Variants in CSMD1 observed in about 807,000 individuals in gnomAD.
The protein encoded by CSMD1 is CUB and Sushi multiple domains 1.
CSMD1 carries 213 observed loss-of-function variants against 417.5 expected under a neutral mutation model. The observed-to-expected ratio is 0.51, with a 90% CI of 0.46 to 0.57. The LOEUF (loss-of-function observed/expected upper bound fraction) is 0.57. CSMD1 is among the 20% of genes least tolerant of loss of function. CSMD1 has a pLI of 0.00. For synonymous variants in CSMD1, 2,862 were observed against 1,736.8 expected (o/e 1.65, Z -16.11); for missense variants, 6,923 against 4,529.7 (o/e 1.53, Z -15.17).
chr8:4,517,475 G>C lies in CSMD1; in HGVS notation c.303-97410C>G, dbSNP rs1283650036. Among the ~76,000 whole-genome samples the C allele has an allele frequency of 2.6e-5, 4 of 152,240 alleles. No homozygotes were observed. The East Asian group carries it at 7.7e-4, about 29-fold the overall frequency. Reference sequence around the variant, plus strand: ...ATGTGATCATTCAGTTAGACACATAGATAATGTTCCTGGAACAATAACTGT... The same window carrying C: ...ATGTGATCATTCAGTTAGACACATACATAATGTTCCTGGAACAATAACTGT... On this transcript the variant is annotated intron_variant, in intron 2 of 69. Transcript: ENST00000635120.
intron 3 of CSMD1, among the ~76,000 whole-genome samples, chr8:4,118,385 GAACTT>G (rs1330941155): frequency 7.1e-6 from 1 of 141,744 alleles, no homozygotes; most frequent in African/African-American, 2.7e-5. Flanking sequence ...AATCTACAAA[GAACTT>G]AAAGAAATTT....
intron 11 of CSMD1, among the ~76,000 whole-genome samples, chr8:3,474,654 C>T (rs941693000): frequency 6.6e-6 from 1 of 152,018 alleles, no homozygotes; most frequent in African/African-American, 2.4e-5. Context: ...TATCAATTAG[C>T]CTAAGGGGAA....
At chr8:3,429,252 G>T (rs1007801392) in intron 12 of CSMD1, among the ~76,000 whole-genome samples, 1 of 152,138 alleles carries the variant, frequency 6.6e-6, no homozygotes, top group African/African-American at 2.4e-5. Context: ...ACCTTGATTT[G>T]ACCATTTCAC....
intron 5 of CSMD1, among the ~76,000 whole-genome samples, chr8:3,803,846 A>C (rs1800587733): frequency 1.3e-5 from 2 of 152,182 alleles, no homozygotes; most frequent in Non-Finnish European, 1.5e-5. Flanking sequence ...AAACATGGCA[A>C]AGAGGTGTGA....
In CSMD1 at chr8:3,908,171, A is replaced by G. The variant is rs374273570; in HGVS notation, c.818+89732T>C. Among the ~76,000 whole-genome samples the G allele has an allele frequency of 7.4e-4, 113 of 152,320 alleles. 1 individual carries two copies. Among genetic ancestry groups the G allele is most frequent in the African/African-American group, 2.5e-3 (103 of 41,578 alleles). On this transcript the variant is annotated intron_variant, in intron 5 of 69. Transcript: ENST00000635120. ...ACTATAAACCTGCATTTATGCATCA[A>G]TGACCATGGGCCAGGCTAGATACTA...
rs374168115 is a variant in CSMD1, at chr8:3,890,519, G to T, written c.818+107384C>A. Among the ~76,000 whole-genome samples the T allele has an allele frequency of 2.0e-5, 3 of 152,044 alleles. No homozygotes were observed. The South Asian group carries it at 6.3e-4, about 32-fold the overall frequency. On this transcript the variant is annotated intron_variant, in intron 5 of 69. Transcript: ENST00000635120. The stretch of plus-strand genomic sequence containing the variant: ...GCATTGAGGCACACTTGCAGGACTC[G>T]GTGGGGAACAAAATAACTCTATCTC...
chr8:4,890,715 G>C (rs940834529), intron 1 of CSMD1, among the ~76,000 whole-genome samples: 2 of 152,136 alleles, frequency 1.3e-5, no homozygotes, highest in African/African-American at 4.8e-5. Flanking sequence ...ATGTTATTAG[G>C]TCGCTGCAAA....
chr8:3,612,116 A>T (rs551068120), intron 8 of CSMD1, among the ~76,000 whole-genome samples: 6 of 152,146 alleles, frequency 3.9e-5, no homozygotes, highest in Non-Finnish European at 7.4e-5. Context: ...CAATCCATAT[A>T]TTATAGACTA....
chr8:4,218,640 G>A (rs577093342), intron 3 of CSMD1, among the ~76,000 whole-genome samples: 3 of 152,264 alleles, frequency 2.0e-5, no homozygotes, highest in East Asian at 3.9e-4. Flanking sequence ...TACCGACAGT[G>A]ATTTCAGTAT....
chr8:3,258,926 C>T (rs764556785), intron 26 of CSMD1, among the ~76,000 whole-genome samples: 3 of 152,156 alleles, frequency 2.0e-5, no homozygotes, highest in Non-Finnish European at 4.4e-5. Flanking sequence ...GAACAATAGA[C>T]ACTGCGGTCT....
chr8:4,911,740 A>C (rs556621162), intron 1 of CSMD1, among the ~76,000 whole-genome samples: 6 of 152,294 alleles, frequency 3.9e-5, no homozygotes, highest in South Asian at 4.1e-4. Flanking sequence ...GGGACTGGTA[A>C]ATCACGTTGG....
intron 26 of CSMD1, among the ~76,000 whole-genome samples, chr8:3,257,302 C>T (rs73185590): frequency 0.091 from 13,917 of 152,252 alleles, 870 homozygotes; most frequent in Non-Finnish European, 0.13. Context: ...CCAGCCCGCG[C>T]TATAAGAGTG....
intron 3 of CSMD1, among the ~76,000 whole-genome samples, chr8:4,256,845 C>G (rs1323759480): frequency 6.6e-6 from 1 of 152,300 alleles, no homozygotes; most frequent in East Asian, 1.9e-4. Flanking sequence ...GCTATCCCTC[C>G]AAGAGTCACC....
At chr8:4,894,273 T>G (rs1267694961) in intron 1 of CSMD1, among the ~76,000 whole-genome samples, 2 of 152,064 alleles carry the variant, frequency 1.3e-5, no homozygotes, top group Non-Finnish European at 2.9e-5. Flanking sequence ...AAGTCTTTTG[T>G]TTTGCTTTTT....
intron 3 of CSMD1, among the ~76,000 whole-genome samples, chr8:4,187,629 T>C (rs1036819487): frequency 7.8e-6 from 1 of 128,446 alleles, no homozygotes; most frequent in South Asian, 2.5e-4. Flanking sequence ...TGAGCCGAGA[T>C]TGCATCACTG....
At chr8:4,792,024 C>A (rs890592984) in intron 1 of CSMD1, among the ~76,000 whole-genome samples, 53 of 152,160 alleles carry the variant, frequency 3.5e-4, no homozygotes, top group African/African-American at 1.2e-3. Flanking sequence ...AATCCTATCT[C>A]ACTAGAAAAG....
intron 3 of CSMD1, among the ~76,000 whole-genome samples, chr8:4,052,340 T>A (rs1353322198): frequency 6.6e-6 from 1 of 152,092 alleles, no homozygotes; most frequent in East Asian, 1.9e-4. Context: ...GCACAAGGAG[T>A]ATAATGATAA....
chr8:4,053,771 CTTAGA>C (rs1239026268), intron 3 of CSMD1, among the ~76,000 whole-genome samples: 3 of 152,022 alleles, frequency 2.0e-5, no homozygotes, highest in East Asian at 1.9e-4. Context: ...CATTTGGGGG[CTTAGA>C]TTAGAGAATA....
intron 11 of CSMD1, among the ~76,000 whole-genome samples, chr8:3,493,315 G>GAAAAAA (rs1563090576): frequency 3.4e-5 from 5 of 148,120 alleles, no homozygotes; most frequent in African/African-American, 1.3e-4. Context: ...AAAAAAAAGG[G>GAAAAAA]GGGGCGGAGG....
Sources: gnomAD v4.1 joint callset for allele counts (sites outside exome capture counted in the v4.1 genomes callset) on GRCh38, gnomAD v4.1.1 for gene constraint, MANE v1.5 for transcripts, NCBI Gene and HGNC (gene_info 2026-07-23, HGNC 2026-07-21) for gene names.